The following MGAT4B variants were observed in gnomAD, a reference collection of about 807,000 sequenced individuals.
MGAT4B encodes the protein alpha-1,3-mannosyl-glycoprotein 4-beta-N-acetylglucosaminyltransferase B, also known as N-acetylglucosaminyltransferase IVb.
A neutral mutation model predicts 73.9 loss-of-function variants in MGAT4B; 38 were observed. The ratio of observed to expected loss-of-function variants is 0.51; its 90% confidence interval spans 0.40 to 0.67. The LOEUF (loss-of-function observed/expected upper bound fraction) is 0.67, where lower values mean the gene tolerates loss of function less well. Ranked by LOEUF, MGAT4B falls within the 30% of genes least tolerant of loss-of-function variation. The probability of loss-of-function intolerance (pLI) is 0.00; values close to 1 mark genes in which losing one functional copy is unlikely to be tolerated. For missense variants in MGAT4B, 686 were observed against 735.2 expected, an observed-to-expected ratio of 0.93 and a Z score of 0.77; for synonymous variants, 373 against 313.5, an observed-to-expected ratio of 1.19 and a Z score of -2.01.
chr5:179,801,068 C>A lies in MGAT4B; in HGVS notation c.559-115G>T. The A allele has an allele frequency of 7.3e-7, 1 of 1,372,654 alleles. No individual in the cohort carries two copies. Among genetic ancestry groups the A allele is most frequent in the Admixed American group, 1.9e-5 (1 of 52,888 alleles). The allele number at this position is 1,372,654 out of a possible 1,614,324, so 85.0% of individuals were successfully genotyped here. ...CCCCCACGTGGAGGGAGTGAGCCTG[C>A]TGTGCTGAGGGCGGAGTAAGGGGGC... On this transcript the variant is annotated intron_variant, in intron 4 of 14. Coordinates refer to ENST00000292591, the MANE Select transcript of MGAT4B (RefSeq NM_014275.5). The surrounding 1 kb of genome is among the most constrained non-coding windows in gnomAD (Gnocchi z 4.8).
intron 5 of MGAT4B, 90 bp downstream of exon 5, chr5:179,800,817 C>T: frequency 2.1e-6 from 3 of 1,406,820 alleles, no homozygotes; most frequent in Non-Finnish European, 3.0e-6. Context: ...ATAGGAAAGG[C>T]ACTATCTCAT....
At position 179,798,986 on chromosome 5, in the gene MGAT4B, T is replaced by C; in HGVS notation, c.1285A>G (p.Thr429Ala). The C allele has an allele frequency of 6.2e-7, 1 of 1,613,440 alleles. No homozygotes were observed. The highest frequency in any genetic ancestry group is 8.5e-7 in the Non-Finnish European group (1 of 1,179,970). Residue 429 changes from threonine to alanine, a missense_variant, in exon 11 of 15, where the codon ACC becomes GCC. Around this residue, in one of 2 missense-constraint regions of MGAT4B, gnomAD observed 449 missense variants for 536.8 expected, o/e 0.84. Transcript: ENST00000292591. ...CGGATGAAGTCCCCCGCGGCAGGGG[T>C]GAAGGCCCAGAAGAAGTCCTCGCGC... The part of the protein sequence containing the change: ...YLREDFFWAF[T>A]PAAGDFIRFR...
At chr5:179,803,570 A>T (rs1581980086) in intron 1 of MGAT4B, 1 of 151,926 alleles carries the variant, frequency 6.6e-6, no homozygotes, top group East Asian at 2.0e-4. Flanking sequence ...TTGCCTACTT[A>T]CAGCCACTGC....
At chr5:179,800,426 A>G in intron 6 of MGAT4B, 58 bp downstream of exon 6, 2 of 1,423,674 alleles carry the variant, frequency 1.4e-6, no homozygotes, top group Non-Finnish European at 2.0e-6. Flanking sequence ...AAACACCAGT[A>G]GATGGGTTCT....
chr5:179,801,786 G>T lies in MGAT4B; in HGVS notation c.281C>A (p.Thr94Lys). ...GDGNRTWGRL[T>K]EDPRLKPWNG... is the part of the protein sequence containing the mutation. ...CCCCCTCCCGCCCCAGACCTCACCT[G>T]TTAGGCGGCCCCAGGTGCGATTGCC... Residue 94 changes from threonine (T) to lysine (K), a missense_variant and splice_region_variant, in exon 2 of 15, where the codon ACA (threonine) becomes AAA (lysine). Physicochemically the swap from Thr to Lys is moderately conservative, Grantham distance 78. Transcript: ENST00000292591. This position sits in a 1 kb window ranked among gnomAD's most constrained non-coding sequence, Gnocchi z 4.8. The T allele has an allele frequency of 6.3e-7, 1 of 1,577,988 alleles. No homozygotes were observed. The highest frequency in any genetic ancestry group is 8.6e-7 in the Non-Finnish European group (1 of 1,157,912).
In MGAT4B at chr5:179,801,567, C is replaced by G; in HGVS notation, c.411G>C (p.Gln137His). Reference protein sequence around the residue: ...SSLQPAVRVGQGRTGVSVVMG... With the variant: ...SSLQPAVRVGHGRTGVSVVMG... ...CTGCGCCCATACCTCCGGTGCGGCC[C>G]TGGCCCACGCGCACCGCGGGCTGCA... Residue 137 changes from glutamine (Q) to histidine (H), a missense_variant, in exon 3 of 15, where the codon CAG becomes CAC. Transcript: ENST00000292591. This position sits in a 1 kb window ranked among gnomAD's most constrained non-coding sequence, Gnocchi z 4.8. The G allele has an allele frequency of 6.2e-7, 1 of 1,608,730 alleles. No homozygotes were observed. The highest frequency in any genetic ancestry group is 1.1e-5 in the South Asian group (1 of 90,452).
intron 5 of MGAT4B, 67 bp from the exon 6 acceptor site, chr5:179,800,664 C>T (rs1326559082): frequency 1.6e-6 from 2 of 1,243,730 alleles, no homozygotes; most frequent in East Asian, 2.5e-5. Flanking sequence ...GCCCACCAGA[C>T]TGTGGCCCTT....
Position 179,800,908 on chromosome 5 carries a change from A to C in MGAT4B, c.604T>G (p.Leu202Val). 1 of 1,613,638 alleles carries C rather than the reference A, an allele frequency of 6.2e-7. No homozygotes were observed. Among genetic ancestry groups the C allele is most frequent in the East Asian group, 2.2e-5 (1 of 44,854 alleles). The part of the protein sequence containing the change: ...TSAVTENIKA[L>V]FPTEIHSGLL... ...CTCTCTGGGGTCGCCAGTACTCACA[A>C]GGCCTTGATGTTCTCTGTCACTGCC... The change falls in exon 5 of 15, where the codon TTG (leucine) becomes GTG (valine). Residue 202 changes from leucine to valine, a missense_variant and splice_region_variant. This residue lies in a region of MGAT4B where 449 missense variants were observed against 536.8 expected (regional missense o/e 0.84). Coordinates refer to ENST00000292591, the MANE Select transcript of MGAT4B (RefSeq NM_014275.5).
At chr5:179,802,104 C>T (rs777952530) in intron 1 of MGAT4B, 135 bp from the exon 2 acceptor site, 42 of 1,556,632 alleles carry the variant, frequency 2.7e-5, no homozygotes, top group East Asian at 4.5e-5. Context: ...GCCTGCCACA[C>T]GTGACATAGC....
chr5:179,800,395 G>A (rs1756860538), intron 6 of MGAT4B, 89 bp downstream of exon 6: 2 of 1,419,142 alleles, frequency 1.4e-6, no homozygotes, highest in Non-Finnish European at 2.0e-6. Context: ...TCAGGGCACT[G>A]CAGGGAAACA....
At chr5:179,800,454 T>A (rs1283055792) in intron 6 of MGAT4B, 30 bp downstream of exon 6, 1 of 1,500,724 alleles carries the variant, frequency 6.7e-7, no homozygotes, top group African/African-American at 1.4e-5. Flanking sequence ...GGCAGGCGGG[T>A]TGCTGAGGGT....
At position 179,800,003 on chromosome 5, in the gene MGAT4B, C is replaced by T. The variant is rs573728371; in HGVS notation, c.861G>A (p.Gln287=). 10 of 1,614,050 alleles carry T rather than the reference C, an allele frequency of 6.2e-6. No individual in the cohort carries two copies. The South Asian group carries it at 9.9e-5, about 16-fold the overall frequency. ...CCAGGATCATCCAGTCCTCTGAAGG[C>T]TGCTGCAGTGCAAAGTTCTTCATGG... ...LSTMKNFALQ[Q]PSEDWMILEF... The change falls in exon 8 of 15, where the codon CAG becomes CAA. Residue 287 remains glutamine, a synonymous_variant. Transcript: ENST00000292591.
In MGAT4B at chr5:179,801,194, CT is replaced by C; in HGVS notation, c.558+139del. 1 of 1,333,824 alleles carries C rather than the reference CT, an allele frequency of 7.5e-7. No individual in the cohort carries two copies. The allele number at this position is 1,333,824 out of a possible 1,614,324, so 82.6% of individuals were successfully genotyped here. A position where few individuals can be genotyped will look rare whatever the true frequency, so the allele number is the denominator to read the frequency against. ...AGAGGGTGCCAGAAAGCCCTTTCAACTTTCTATCTCGGAGCATTTGCGAATG... is the reference window on the plus strand; with the variant it reads ...AGAGGGTGCCAGAAAGCCCTTTCAACTTCTATCTCGGAGCATTTGCGAATG... On this transcript the variant is annotated intron_variant, in intron 4 of 14. Coordinates refer to ENST00000292591, the MANE Select transcript of MGAT4B (RefSeq NM_014275.5). This position sits in a 1 kb window ranked among gnomAD's most constrained non-coding sequence, Gnocchi z 4.8.
At chr5:179,800,739 G>A in intron 5 of MGAT4B, 142 bp from the exon 6 acceptor site, 2 of 971,124 alleles carry the variant, frequency 2.1e-6, no homozygotes, top group East Asian at 5.2e-5. Flanking sequence ...AGGTAGCAGA[G>A]CTCCAGAGGG....
In MGAT4B at chr5:179,799,263, C is replaced by T. The variant is rs200903978; in HGVS notation, c.1089G>A (p.Pro363=). ...QKANLRIRFK[P]SLFQHVGTHS... Reference sequence around the variant, plus strand: ...GAGTGCCCACGTGCTGGAAGAGGGACGGTTTGAAGCGGATCCGCAGGTTGG... The same window carrying T: ...GAGTGCCCACGTGCTGGAAGAGGGATGGTTTGAAGCGGATCCGCAGGTTGG... The change falls in exon 10 of 15, where the codon CCG becomes CCA. Residue 363 remains proline (P), a synonymous_variant. Transcript: ENST00000292591. The T allele has an allele frequency of 1.7e-5, 28 of 1,613,832 alleles. No individual in the cohort carries two copies. The highest frequency in any genetic ancestry group is 2.7e-5 in the African/African-American group (2 of 74,930).
chr5:179,801,478 C>CGCT lies in MGAT4B; in HGVS notation c.425-12_425-11insAGC. ...CCATCACCACCGACACTATGGGGGA[C>CGCT]GGAGGCCCGACGCTGGAAAGGGTGC... is the stretch of plus-strand genomic sequence containing the variant. On this transcript the variant is annotated splice_polypyrimidine_tract_variant and intron_variant, in intron 3 of 14. Coordinates refer to ENST00000292591, the MANE Select transcript of MGAT4B (RefSeq NM_014275.5). This position sits in a 1 kb window ranked among gnomAD's most constrained non-coding sequence, Gnocchi z 4.8. The CGCT allele has an allele frequency of 6.2e-7, 1 of 1,603,632 alleles. No homozygotes were observed. The highest frequency in any genetic ancestry group is 8.5e-7 in the Non-Finnish European group (1 of 1,173,040).
At chr5:179,798,134 C>A in intron 14 of MGAT4B, 31 bp downstream of exon 14, 1 of 1,591,404 alleles carries the variant, frequency 6.3e-7, no homozygotes, top group East Asian at 2.3e-5. Context: ...TGGCTGCTCC[C>A]CGTGCCTGGC....
chr5:179,804,496 G>A (rs919932381), intron 1 of MGAT4B, among the ~76,000 whole-genome samples: 18 of 152,212 alleles, frequency 1.2e-4, no homozygotes, highest in African/African-American at 3.1e-4. Context: ...CAGTTTGAGC[G>A]CTGGCAGAGC....
intron 7 of MGAT4B, 40 bp from the exon 8 acceptor site, chr5:179,800,108 C>T (rs1310347986): frequency 1.6e-5 from 26 of 1,610,594 alleles, no homozygotes; most frequent in Non-Finnish European, 2.1e-5. Context: ...TGAGGAAGGG[C>T]ACCCAGATGG....
Sources: gnomAD v4.1 joint callset for allele counts (sites outside exome capture counted in the v4.1 genomes callset) on GRCh38, gnomAD v4.1.1 for gene constraint, gnomAD v4.1.1 regional missense constraint, Gnocchi (gnomAD v3.1) non-coding constraint, MANE v1.5 for transcripts, NCBI Gene and HGNC (gene_info 2026-07-23, HGNC 2026-07-21) for gene names.